ASXL3: variants seen among roughly 807,000 people sequenced by gnomAD.
ASXL3 encodes ASXL transcriptional regulator 3.
Under a neutral mutation model 170.6 loss-of-function variants are expected in ASXL3, and 34 were observed. That is an observed-to-expected ratio of 0.20 (90% CI 0.15 to 0.27). The LOEUF (loss-of-function observed/expected upper bound fraction) is 0.27. Among genes scored for constraint, ASXL3 ranks in the 10% least tolerant of loss-of-function variants. The pLI is 1.00. For synonymous variants in ASXL3, 1,002 were observed against 989.1 expected, an observed-to-expected ratio of 1.01 and a Z score of -0.24; for missense variants, 2,592 against 2,695.3, an observed-to-expected ratio of 0.96 and a Z score of 0.85.
Position 33,745,100 on chromosome 18 carries a change from C to G in ASXL3, c.5252C>G (p.Thr1751Arg), listed in dbSNP as rs753874423. The G allele has an allele frequency of 1.9e-6, 3 of 1,613,994 alleles. No homozygotes were observed. In the Admixed American group the frequency reaches 5.0e-5, roughly 27 times the overall value. The change falls in exon 12 of 12, where the codon ACG (threonine) becomes AGG (arginine). Residue 1751 changes from threonine to arginine, a missense_variant. Around this residue, in one of 4 missense-constraint regions of ASXL3, gnomAD observed 2,246 missense variants for 2,219.6 expected, o/e 1.01. Transcript: ENST00000269197. ...GTGGAGGCTAACAATCCGCTGGTGA[C>G]GCAGTTACTACAGGGCAACCTGCCT... ...SSVEANNPLV[T>R]QLLQGNLPLE...
rs184895386 is a variant in ASXL3 at position 33,579,391 on chromosome 18, A to G, written c.54+706A>G. Among the ~76,000 whole-genome samples, 4 of 152,260 alleles carry G rather than the reference A, an allele frequency of 2.6e-5. No individual in the cohort carries two copies. The East Asian group carries it at 7.7e-4, about 29-fold the overall frequency. The stretch of plus-strand genomic sequence containing the variant: ...TGTGTGTGTTTGGTGAAGTTGGGTC[A>G]GTGTCATTTGTAGTGGGAGGTTATT... On this transcript the variant is annotated intron_variant, in intron 1 of 11. Transcript: ENST00000269197.
At chr18:33,647,702 A>G (rs2065936465) in intron 4 of ASXL3, among the ~76,000 whole-genome samples, 1 of 152,174 alleles carries the variant, frequency 6.6e-6, no homozygotes. Flanking sequence ...TTCATGTGCC[A>G]AGTACTATTC....
intron 2 of ASXL3, among the ~76,000 whole-genome samples, chr18:33,620,920 T>C (rs1413735432): frequency 6.6e-6 from 1 of 152,182 alleles, no homozygotes; most frequent in African/African-American, 2.4e-5. Context: ...TAAGGAGTTG[T>C]GTCCTTTGGT....
intron 8 of ASXL3, chr18:33,690,230 T>C (rs986488341): frequency 1.3e-5 from 2 of 152,140 alleles, no homozygotes; most frequent in African/African-American, 4.8e-5. Flanking sequence ...TAGTATACTT[T>C]CTCTGCCCCA....
At position 33,740,408 on chromosome 18, in the gene ASXL3, C is replaced by T. The variant is rs780090784; in HGVS notation, c.3004C>T (p.Pro1002Ser). 23 of 1,596,732 alleles carry T rather than the reference C, an allele frequency of 1.4e-5. No individual in the cohort carries two copies. Among genetic ancestry groups the T allele is most frequent in the Non-Finnish European group, 1.9e-5 (22 of 1,174,180 alleles). The part of the protein sequence containing the change: ...SSSSPPEKEQ[P>S]PREEPRVPPL... ...TAGCAGCCCACCTGAGAAAGAACAGCCTCCCAGAGAGGAACCAAGGGTTCC... is the reference window on the plus strand; with the variant it reads ...TAGCAGCCCACCTGAGAAAGAACAGTCTCCCAGAGAGGAACCAAGGGTTCC... Residue 1002 changes from proline to serine, a missense_variant, in exon 11 of 12, where the codon CCT becomes TCT. Transcript: ENST00000269197.
Position 33,591,146 on chromosome 18 carries a change from T to C in ASXL3, c.54+12461T>C, listed in dbSNP as rs958518531. Among the ~76,000 whole-genome samples, 3 of 152,252 alleles carry C rather than the reference T, an allele frequency of 2.0e-5. No individual in the cohort carries two copies. The South Asian group carries it at 6.2e-4, about 32-fold the overall frequency. ...GGAATTTATGGACATCACAGTCTTATTGCTGCCATTTGCTGTTTATTCATT... is the reference window on the plus strand; with the variant it reads ...GGAATTTATGGACATCACAGTCTTACTGCTGCCATTTGCTGTTTATTCATT... On this transcript the variant is annotated intron_variant, in intron 1 of 11. Transcript: ENST00000269197.
Position 33,744,797 on chromosome 18 carries a change from T to G in ASXL3, c.4949T>G (p.Leu1650Trp), listed in dbSNP as rs1189522283. Residue 1650 changes from leucine to tryptophan, a missense_variant, in exon 12 of 12, where the codon TTG becomes TGG. Coordinates refer to ENST00000269197, the MANE Select transcript of ASXL3 (RefSeq NM_030632.3). ...KAIKTEHANY[L>W]NVSELHPRNL... Reference sequence around the variant, plus strand: ...ATCAAAACTGAACATGCCAACTACTTGAACGTGTCAGAACTTCATCCCAGG... The same window carrying G: ...ATCAAAACTGAACATGCCAACTACTGGAACGTGTCAGAACTTCATCCCAGG... The G allele has an allele frequency of 6.2e-7, 1 of 1,613,936 alleles. No individual in the cohort carries two copies. Among genetic ancestry groups the G allele is most frequent in the Admixed American group, 1.7e-5 (1 of 60,010 alleles).
intron 1 of ASXL3, among the ~76,000 whole-genome samples, chr18:33,580,971 A>G (rs972856436): frequency 2.0e-5 from 3 of 152,204 alleles, no homozygotes; most frequent in African/African-American, 4.8e-5. Context: ...TATGATTTGT[A>G]TAAGTGACTT....
chr18:33,613,249 C>T (rs1017739594), intron 2 of ASXL3, among the ~76,000 whole-genome samples: 1 of 152,048 alleles, frequency 6.6e-6, no homozygotes, highest in Non-Finnish European at 1.5e-5. Flanking sequence ...TTCCTAAACA[C>T]GTCTTTCTTT....
chr18:33,599,153 G>A (rs905830510), intron 1 of ASXL3, among the ~76,000 whole-genome samples: 25 of 151,940 alleles, frequency 1.6e-4, no homozygotes, highest in African/African-American at 5.6e-4. Flanking sequence ...ATATAGAAGC[G>A]GAAGATCATA....
intron 4 of ASXL3, among the ~76,000 whole-genome samples, chr18:33,654,977 T>C (rs969477231): frequency 1.3e-5 from 2 of 152,092 alleles, no homozygotes; most frequent in African/African-American, 4.8e-5. Flanking sequence ...GAGATTCTTA[T>C]AGCTACGTCT....
intron 4 of ASXL3, among the ~76,000 whole-genome samples, chr18:33,646,880 C>CG (rs56102471): frequency 0.15 from 6,653 of 43,700 alleles, 579 homozygotes; most frequent in African/African-American, 0.25. Flanking sequence ...TAAGGGGGAG[C>CG]GGGGGGGGGG....
chr18:33,675,692 TGC>T (rs2066413957), intron 7 of ASXL3, among the ~76,000 whole-genome samples: 1 of 151,740 alleles, frequency 6.6e-6, no homozygotes, highest in Non-Finnish European at 1.5e-5. Context: ...ATTCACCCTG[TGC>T]AAGGCCTGAG....
At chr18:33,603,311 G>A (rs1215683918) in intron 1 of ASXL3, among the ~76,000 whole-genome samples, 1 of 151,952 alleles carries the variant, frequency 6.6e-6, no homozygotes, top group African/African-American at 2.4e-5. Context: ...GGTACTTAAG[G>A]ACCAAAGTTA....
intron 8 of ASXL3, among the ~76,000 whole-genome samples, chr18:33,704,777 A>T (rs544100535): frequency 1.3e-5 from 2 of 152,126 alleles, no homozygotes; most frequent in East Asian, 3.9e-4. Flanking sequence ...CAAGATCCTG[A>T]TTATTTAAAT....
At chr18:33,609,322 G>A (rs2065298371) in intron 2 of ASXL3, among the ~76,000 whole-genome samples, 2 of 151,944 alleles carry the variant, frequency 1.3e-5, no homozygotes, top group African/African-American at 4.8e-5. Context: ...GTTGCCAGAG[G>A]AATCTGCCAA....
chr18:33,610,013 T>C (rs544619634), intron 2 of ASXL3, among the ~76,000 whole-genome samples: 85 of 152,140 alleles, frequency 5.6e-4, no homozygotes, highest in Non-Finnish European at 9.9e-4. Flanking sequence ...TTTGCTTATT[T>C]GAGTCACCTC....
Position 33,613,784 on chromosome 18 carries a change from G to A in ASXL3, c.137+6108G>A, listed in dbSNP as rs561770698. The stretch of plus-strand genomic sequence containing the variant: ...AAAAAATAAAATATTAGCCAGACTT[G>A]GTGGTACATGCCTATAGTTCCAGAT... On this transcript the variant is annotated intron_variant, in intron 2 of 11. Transcript: ENST00000269197. 6.2e-4 allele frequency among the ~76,000 whole-genome samples: 95 copies of A among 152,120 alleles called. 1 individual carries two copies. Among genetic ancestry groups the A allele is most frequent in the African/African-American group, 2.2e-3 (90 of 41,514 alleles).
chr18:33,671,949 T>TAA (rs1323773597), intron 7 of ASXL3, 83 bp downstream of exon 7: 1 of 1,303,296 alleles, frequency 7.7e-7, no homozygotes, highest in Non-Finnish European at 1.0e-6. Flanking sequence ...TTCAGAACAT[T>TAA]TTTTAATGAT....
Sources: gnomAD v4.1 joint callset for allele counts (sites outside exome capture counted in the v4.1 genomes callset) on GRCh38, gnomAD v4.1.1 for gene constraint, gnomAD v4.1.1 regional missense constraint, MANE v1.5 for transcripts, NCBI Gene and HGNC (gene_info 2026-07-23, HGNC 2026-07-21) for gene names.